Variants in C12orf42 observed in about 807,000 individuals in gnomAD.
C12orf42 encodes uncharacterized protein C12orf42.
C12orf42 carries 25 observed loss-of-function variants against 21.6 expected under a neutral mutation model. The observed-to-expected ratio is 1.16, with a 90% CI of 0.84 to 1.62. The LOEUF (loss-of-function observed/expected upper bound fraction) is 1.62, where lower values mean the gene tolerates loss of function less well. Among genes scored for constraint, C12orf42 ranks in the 40% most tolerant of loss-of-function variants. The pLI, the probability that C12orf42 is intolerant of heterozygous loss-of-function variation, is 0.00. For synonymous variants in C12orf42, 174 were observed against 175.0 expected (o/e 0.99, Z 0.05); for missense variants, 483 against 459.3 (o/e 1.05, Z -0.47).
intron 2 of C12orf42, chr12:103,441,681 G>A (rs1170004346): frequency 6.6e-6 from 1 of 152,152 alleles, no homozygotes; most frequent in African/African-American, 2.4e-5. Context: ...TTCAAGATGT[G>A]CAGAACAACA....
intron 2 of C12orf42, among the ~76,000 whole-genome samples, chr12:103,433,472 G>A (rs1950417008): frequency 6.6e-6 from 1 of 152,142 alleles, no homozygotes; most frequent in Non-Finnish European, 1.5e-5. Context: ...GATGCAACAA[G>A]AAGGATATAG....
At chr12:103,428,831 C>T (rs571055716) in intron 2 of C12orf42, among the ~76,000 whole-genome samples, 6 of 152,212 alleles carry the variant, frequency 3.9e-5, no homozygotes, top group Non-Finnish European at 7.4e-5. Context: ...AATCAATAAA[C>T]GTAATCCATC....
the C12orf42 span, among the ~76,000 whole-genome samples, chr12:103,149,918 A>G: frequency 6.6e-6 from 1 of 152,214 alleles, no homozygotes; most frequent in Non-Finnish European, 1.5e-5. Context: ...TTTAAGGTTT[A>G]AATTAGTAAG....
At chr12:103,247,549 A>C (rs1185194539) in intron 10 of C12orf42, among the ~76,000 whole-genome samples, 1 of 152,042 alleles carries the variant, frequency 6.6e-6, no homozygotes, top group East Asian at 1.9e-4. Context: ...AGCAAAAGTA[A>C]ATTTCTGACC....
At chr12:103,380,154 A>G (rs1442132961) in intron 3 of C12orf42, among the ~76,000 whole-genome samples, 5 of 152,154 alleles carry the variant, frequency 3.3e-5, no homozygotes, top group Non-Finnish European at 5.9e-5. Flanking sequence ...GTAAAGTTGA[A>G]CCTCTAAAAT....
chr12:103,134,032 T>C, the C12orf42 span, among the ~76,000 whole-genome samples: 3 of 152,240 alleles, frequency 2.0e-5, no homozygotes, highest in South Asian at 6.2e-4. Context: ...AGTATGTCTT[T>C]ATTAGTAGCA....
the C12orf42 span, among the ~76,000 whole-genome samples, chr12:103,538,898 A>C: frequency 6.6e-6 from 1 of 152,184 alleles, no homozygotes; most frequent in Non-Finnish European, 1.5e-5. Context: ...GAATGAGGAC[A>C]TTGAGATAAT....
chr12:103,481,230 G>A (rs1954447869), intron 1 of C12orf42, among the ~76,000 whole-genome samples: 3 of 151,830 alleles, frequency 2.0e-5, no homozygotes, highest in Admixed American at 2.0e-4. Context: ...ATGCCATAGT[G>A]TGATAAGTAA....
rs965954826 is a variant in C12orf42, at chr12:103,355,598, A to G, written c.259+13289T>C. On this transcript the variant is annotated intron_variant, in intron 4 of 5. Transcript: ENST00000548883. ...CTCCTCCTGCTGTATAGCCAAGGAG[A>G]TGAACCCAGAGAGGTTAAACAGTTT... Among the ~76,000 whole-genome samples, 6 of 152,030 alleles carry G rather than the reference A, an allele frequency of 3.9e-5. No homozygotes were observed. In the South Asian group the frequency reaches 1.2e-3, roughly 32 times the overall value.
At chr12:103,379,188 A>G (rs777254194) in intron 3 of C12orf42, among the ~76,000 whole-genome samples, 9 of 152,206 alleles carry the variant, frequency 5.9e-5, no homozygotes, top group Non-Finnish European at 1.2e-4. Context: ...CAAAGTTACT[A>G]TCTCCACTTA....
chr12:103,345,425 T>G (rs1384904374), intron 4 of C12orf42, among the ~76,000 whole-genome samples: 2 of 152,190 alleles, frequency 1.3e-5, no homozygotes, highest in Non-Finnish European at 2.9e-5. Context: ...TTGATGATGA[T>G]GTGCTCATCA....
the C12orf42 span, among the ~76,000 whole-genome samples, chr12:103,511,230 A>G: frequency 6.6e-6 from 1 of 152,164 alleles, no homozygotes; most frequent in Admixed American, 6.5e-5. Flanking sequence ...ATACATCAAT[A>G]AAGTGATTAA....
the C12orf42 span, among the ~76,000 whole-genome samples, chr12:103,103,271 C>A: frequency 2.6e-5 from 4 of 152,228 alleles, no homozygotes; most frequent in Non-Finnish European, 5.9e-5. Flanking sequence ...CCTCCTCCAA[C>A]CCATCTTCCC....
At chr12:103,294,387 GAA>G (rs1466659854) in intron 4 of C12orf42, among the ~76,000 whole-genome samples, 2 of 59,758 alleles carry the variant, frequency 3.3e-5, no homozygotes, top group African/African-American at 2.1e-4. Context: ...GAAGAAAGAA[GAA>G]AAAGAAAGAA....
At chr12:103,157,650 G>A in the C12orf42 span, among the ~76,000 whole-genome samples, 175 of 152,196 alleles carry the variant, frequency 1.1e-3, no homozygotes, top group African/African-American at 4.1e-3. Flanking sequence ...TTTGTATAAC[G>A]TGTAAGGAAC....
At chr12:103,099,125 T>A in the C12orf42 span, among the ~76,000 whole-genome samples, 2 of 152,362 alleles carry the variant, frequency 1.3e-5, no homozygotes, top group South Asian at 4.1e-4. Context: ...TTTATTTAAC[T>A]ACTGTATCCT....
chr12:103,367,880 TA>T (rs1466818103), intron 4 of C12orf42: 1 of 308,694 alleles, frequency 3.2e-6, no homozygotes, highest in African/African-American at 2.2e-5. Context: ...GAAGCCATTA[TA>T]AAATCAACTA....
At chr12:103,455,670 C>T (rs1952239681) in intron 2 of C12orf42, among the ~76,000 whole-genome samples, 1 of 152,136 alleles carries the variant, frequency 6.6e-6, no homozygotes, top group African/African-American at 2.4e-5. Flanking sequence ...TAAACTGATG[C>T]ATCTTTTTGT....
At chr12:103,398,284 T>C (rs1255067852) in intron 3 of C12orf42, among the ~76,000 whole-genome samples, 4 of 152,208 alleles carry the variant, frequency 2.6e-5, no homozygotes, top group African/African-American at 9.6e-5. Flanking sequence ...CTAAAACATT[T>C]ATTTATACTT....
Sources: gnomAD v4.1 joint callset for allele counts (sites outside exome capture counted in the v4.1 genomes callset) on GRCh38, gnomAD v4.1.1 for gene constraint, MANE v1.5 for transcripts, NCBI Gene and HGNC (gene_info 2026-07-23, HGNC 2026-07-21) for gene names.